Variants in MYL4 observed in about 807,000 individuals in gnomAD.
MYL4 encodes the protein myosin light chain 4, also known as atrial myosin light chain 1.
Under a neutral mutation model 21.6 loss-of-function variants are expected in MYL4, and 16 were observed. The ratio of observed to expected loss-of-function variants is 0.74; its 90% CI spans 0.50 to 1.12. The LOEUF (loss-of-function observed/expected upper bound fraction) is 1.12. Ranked by LOEUF, MYL4 falls within the 50% of genes most tolerant of loss-of-function variation. MYL4 has a pLI of 0.00. For synonymous variants in MYL4, 82 were observed against 95.7 expected (o/e 0.86, Z 0.83); for missense variants, 249 against 252.9 (o/e 0.98, Z 0.11).
At chr17:47,204,122 G>A (rs752943458), upstream of MYL4, among the ~76,000 whole-genome samples, 6 of 152,102 alleles carry the variant, frequency 3.9e-5, no homozygotes, top group South Asian at 2.1e-4. Context: ...ACCAACACCC[G>A]GACCACAGTT....
chr17:47,205,157 C>T (rs1598648270), upstream of MYL4, among the ~76,000 whole-genome samples: 1 of 152,266 alleles, frequency 6.6e-6, no homozygotes, highest in African/African-American at 2.4e-5. Context: ...TGATGTAAAC[C>T]GGTTGGTGCT....
At chr17:47,209,319 A>G (rs2064753431), upstream of MYL4, 1 of 1,497,624 alleles carries the variant, frequency 6.7e-7, no homozygotes, top group African/African-American at 1.4e-5. Flanking sequence ...TGCCCAGGAT[A>G]AAAGGGAAGG....
chr17:47,208,588 C>G (rs1187557459), upstream of MYL4, among the ~76,000 whole-genome samples: 2 of 139,692 alleles, frequency 1.4e-5, no homozygotes, highest in Non-Finnish European at 3.1e-5. Context: ...CACACACACA[C>G]AGAGCACAGA....
Position 47,219,914 on chromosome 17 carries a change from G to A in MYL4, c.174G>A (p.Glu58=). The A allele has an allele frequency of 6.2e-7, 1 of 1,614,236 alleles. No homozygotes were observed. The highest frequency in any genetic ancestry group is 8.5e-7 in the Non-Finnish European group (1 of 1,180,034). The change falls in exon 3 of 7, where the codon GAG becomes GAA. Residue 58 remains glutamate, a synonymous_variant. Coordinates refer to ENST00000393450, the MANE Select transcript of MYL4 (RefSeq NM_002476.2). ...FTADQIEEFK[E]AFSLFDRTPT... Reference sequence around the variant, plus strand: ...GTCTTCTCTCCACAGAGTTCAAAGAGGCCTTTTCATTGTTTGACCGGACCC... The same window carrying A: ...GTCTTCTCTCCACAGAGTTCAAAGAAGCCTTTTCATTGTTTGACCGGACCC...
At chr17:47,202,374 C>T (rs1176053576) in intron 1 of MYL4, among the ~76,000 whole-genome samples, 1 of 152,174 alleles carries the variant, frequency 6.6e-6, no homozygotes, top group East Asian at 1.9e-4. Flanking sequence ...ATTATAAACA[C>T]TTAATCTGTA....
intron 4 of MYL4, among the ~76,000 whole-genome samples, chr17:47,222,073 G>A (rs371114418): frequency 6.6e-6 from 1 of 152,260 alleles, no homozygotes. Context: ...GAGGAGGGGA[G>A]AGCAGGTTGG....
intron 2 of MYL4, among the ~76,000 whole-genome samples, chr17:47,219,535 G>T (rs993937370): frequency 2.6e-5 from 4 of 152,102 alleles, no homozygotes; most frequent in Non-Finnish European, 5.9e-5. Flanking sequence ...TCAAGATGGA[G>T]TTTCACTCTG....
chr17:47,212,275 A>T (rs1319669785), intron 1 of MYL4, among the ~76,000 whole-genome samples: 1 of 152,102 alleles, frequency 6.6e-6, no homozygotes, highest in Non-Finnish European at 1.5e-5. Flanking sequence ...ATTGTCATTC[A>T]CTCTCCTCTT....
chr17:47,201,124 G>A (rs1004091221), intron 1 of MYL4, among the ~76,000 whole-genome samples: 3 of 152,176 alleles, frequency 2.0e-5, no homozygotes, highest in Admixed American at 2.0e-4. Flanking sequence ...GTAAGAGATC[G>A]AGCCACTGCA....
intron 1 of MYL4, among the ~76,000 whole-genome samples, chr17:47,210,188 G>C (rs2064763566): frequency 6.6e-6 from 1 of 152,208 alleles, no homozygotes; most frequent in South Asian, 2.1e-4. Flanking sequence ...GTAGCATGCA[G>C]AGGACTGGCC....
chr17:47,198,324 C>G (rs1014499131), upstream of MYL4, among the ~76,000 whole-genome samples: 1 of 152,048 alleles, frequency 6.6e-6, no homozygotes, highest in African/African-American at 2.4e-5. Context: ...AGACTTAGAA[C>G]AAAAAGAGTA....
chr17:47,220,604 T>C (rs982665370), intron 3 of MYL4, among the ~76,000 whole-genome samples: 1 of 152,230 alleles, frequency 6.6e-6, no homozygotes, highest in African/African-American at 2.4e-5. Context: ...AGTGAGTGTT[T>C]AGAATGGTGA....
At chr17:47,211,082 C>T (rs553929541) in intron 1 of MYL4, among the ~76,000 whole-genome samples, 5 of 152,136 alleles carry the variant, frequency 3.3e-5, no homozygotes, top group African/African-American at 4.8e-5. Context: ...ATTTCTCACC[C>T]GTGAGAAATT....
At chr17:47,226,557 G>A (rs2064886183), downstream of MYL4, among the ~76,000 whole-genome samples, 1 of 152,238 alleles carries the variant, frequency 6.6e-6, no homozygotes, top group Admixed American at 6.5e-5. Context: ...ATAATCATGT[G>A]ACAACATCAG....
At chr17:47,193,179 C>A in the MYL4 span, among the ~76,000 whole-genome samples, 1 of 151,860 alleles carries the variant, frequency 6.6e-6, no homozygotes, top group Non-Finnish European at 1.5e-5. Context: ...CCCACCCCAC[C>A]CTCACCATGT....
In MYL4 at chr17:47,223,518, C is replaced by T. The variant is rs2064872258; in HGVS notation, c.*25C>T. The stretch of plus-strand genomic sequence containing the variant: ...TAGCACTTTCTTTCAGGTGCCTGGC[C>T]CTTGGCTTTAGCCATACCAGGGTGA... On this transcript the variant is annotated 3_prime_UTR_variant, in exon 7 of 7. Coordinates refer to ENST00000393450, the MANE Select transcript of MYL4 (RefSeq NM_002476.2). The T allele has an allele frequency of 6.3e-6, 1 of 158,130 alleles. No individual in the cohort carries two copies. Among genetic ancestry groups the T allele is most frequent in the Admixed American group, 6.2e-5 (1 of 16,194 alleles). 9.8% of individuals were successfully genotyped at this position (158,130 alleles called of 1,614,324 possible).
chr17:47,202,571 A>G (rs187455951), intron 1 of MYL4, among the ~76,000 whole-genome samples: 10 of 152,338 alleles, frequency 6.6e-5, no homozygotes, highest in Admixed American at 3.3e-4. Context: ...AATTGACTTG[A>G]CTTTGAAGCA....
rs193291428 is a variant in MYL4, at chr17:47,217,375, T to C, written c.164-2529T>C. 4.8e-3 allele frequency among the ~76,000 whole-genome samples: 723 copies of C among 152,082 alleles called. 7 individuals are homozygous for C. Among genetic ancestry groups the C allele is most frequent in the African/African-American group, 0.017 (697 of 41,478 alleles). On this transcript the variant is annotated intron_variant, in intron 2 of 6. Coordinates refer to ENST00000393450, the MANE Select transcript of MYL4 (RefSeq NM_002476.2). ...CGAGAGGCTGAGGCAGGAGAATTGC[T>C]TGAACCTGGGAGGTGGAGGTTGCAG...
chr17:47,221,690 G>A lies in MYL4; in HGVS notation c.322G>A (p.Val108Ile), dbSNP rs1244746710. 1 of 1,613,228 alleles carries A rather than the reference G, an allele frequency of 6.2e-7. No individual in the cohort carries two copies. Among genetic ancestry groups the A allele is most frequent in the Non-Finnish European group, 8.5e-7 (1 of 1,179,458 alleles). Reference sequence around the variant, plus strand: ...ACCCTGCCTGCCTGAAGAGATGAATGTCAAGATGCTGGACTTTGAGACGTT... The same window carrying A: ...ACCCTGCCTGCCTGAAGAGATGAATATCAAGATGCTGGACTTTGAGACGTT... ...LGKPKPEEMN[V>I]KMLDFETFLP... The change falls in exon 4 of 7, where the codon GTC becomes ATC. Residue 108 changes from valine (V) to isoleucine (I), a missense_variant. Val to Ile is a conservative substitution (Grantham distance 29). Coordinates refer to ENST00000393450, the MANE Select transcript of MYL4 (RefSeq NM_002476.2).
Sources: gnomAD v4.1 joint callset for allele counts (sites outside exome capture counted in the v4.1 genomes callset) on GRCh38, gnomAD v4.1.1 for gene constraint, MANE v1.5 for transcripts, NCBI Gene and HGNC (gene_info 2026-07-23, HGNC 2026-07-21) for gene names.